CDH12: variants seen among roughly 807,000 people sequenced by gnomAD.
The protein encoded by CDH12 is cadherin-12.
Under a neutral mutation model 74.1 loss-of-function variants are expected in CDH12, and 41 were observed. That is an observed-to-expected ratio of 0.55 (90% CI 0.43 to 0.72). The LOEUF (loss-of-function observed/expected upper bound fraction) is 0.72, where lower values mean the gene tolerates loss of function less well. CDH12 is among the 30% of genes least tolerant of loss of function. The pLI is 0.00. For missense variants in CDH12, 945 were observed against 977.2 expected (o/e 0.97, Z 0.44); for synonymous variants, 399 against 355.0 (o/e 1.12, Z -1.39).
At chr5:22,451,742 A>T (rs555168179) in intron 2 of CDH12, among the ~76,000 whole-genome samples, 1 of 152,022 alleles carries the variant, frequency 6.6e-6, no homozygotes, top group South Asian at 2.1e-4. Context: ...TGAAATAAAG[A>T]AGTTCCACAT....
At chr5:22,061,664 C>T (rs1741195529) in intron 5 of CDH12, among the ~76,000 whole-genome samples, 1 of 151,966 alleles carries the variant, frequency 6.6e-6, no homozygotes, top group Admixed American at 6.6e-5. Flanking sequence ...CAATATTAGC[C>T]CACAGAGAGT....
chr5:22,179,134 G>T (rs1456663930), intron 4 of CDH12, among the ~76,000 whole-genome samples: 4 of 152,142 alleles, frequency 2.6e-5, no homozygotes, highest in Admixed American at 2.6e-4. Flanking sequence ...ATAAATAGCA[G>T]TGAGGAGACT....
chr5:22,186,627 T>G (rs549043398), intron 4 of CDH12, among the ~76,000 whole-genome samples: 13 of 152,262 alleles, frequency 8.5e-5, no homozygotes, highest in Admixed American at 2.6e-4. Flanking sequence ...TGCATCACCA[T>G]GCCCAGCTAA....
intron 3 of CDH12, among the ~76,000 whole-genome samples, chr5:22,251,453 A>G (rs558846221): frequency 6.6e-6 from 1 of 152,324 alleles, no homozygotes; most frequent in South Asian, 2.1e-4. Flanking sequence ...TGAGAAATAA[A>G]GTGGACACAC....
intron 3 of CDH12, among the ~76,000 whole-genome samples, chr5:22,302,739 A>G (rs1737942763): frequency 6.6e-6 from 1 of 152,174 alleles, no homozygotes; most frequent in African/African-American, 2.4e-5. Context: ...AAATAAGAGT[A>G]ATTTTGGAAA....
At chr5:21,883,122 G>A in intron 6 of CDH12, 1 of 1,579,012 alleles carries the variant, frequency 6.3e-7, no homozygotes, top group Non-Finnish European at 8.7e-7. Context: ...TTCTGCAAAT[G>A]GAGACAAAGA....
At chr5:22,845,180 A>G (rs1737247462) in intron 1 of CDH12, among the ~76,000 whole-genome samples, 1 of 152,168 alleles carries the variant, frequency 6.6e-6, no homozygotes, top group Admixed American at 6.6e-5. Flanking sequence ...TTGTAGAAGG[A>G]CACTCACATT....
At position 22,261,561 on chromosome 5, in the gene CDH12, A is replaced by G. The variant is rs77846402; in HGVS notation, c.-332-48918T>C. ...AAGTTCATACTGGGCTCATCTTGTC[A>G]TATAAGGTCACAGTCTGAAGTAAAT... On this transcript the variant is annotated intron_variant, in intron 3 of 14. Transcript: ENST00000382254. Among the ~76,000 whole-genome samples, 19 of 152,190 alleles carry G rather than the reference A, an allele frequency of 1.2e-4. No individual in the cohort carries two copies. In the East Asian group the frequency reaches 3.5e-3, roughly 28 times the overall value.
At chr5:22,754,167 G>A (rs1159349248) in intron 1 of CDH12, among the ~76,000 whole-genome samples, 1 of 152,142 alleles carries the variant, frequency 6.6e-6, no homozygotes, top group Non-Finnish European at 1.5e-5. Context: ...TATTATGAAA[G>A]AAATTGAATC....
At chr5:22,692,205 C>T (rs1410272887) in intron 1 of CDH12, among the ~76,000 whole-genome samples, 1 of 152,198 alleles carries the variant, frequency 6.6e-6, no homozygotes, top group East Asian at 1.9e-4. Flanking sequence ...CCTTCCTCTT[C>T]CACCATGAAC....
At chr5:21,863,189 C>A (rs1258258939) in intron 6 of CDH12, among the ~76,000 whole-genome samples, 3 of 152,198 alleles carry the variant, frequency 2.0e-5, no homozygotes, top group East Asian at 1.9e-4. Flanking sequence ...CTGCCAGAGA[C>A]CCCATGCTGT....
intron 6 of CDH12, among the ~76,000 whole-genome samples, chr5:21,894,840 T>C (rs1753050667): frequency 6.6e-6 from 1 of 152,128 alleles, no homozygotes; most frequent in South Asian, 2.1e-4. Context: ...AGGATCTTTC[T>C]CTGGATACCT....
chr5:22,629,472 A>C (rs1268651467), intron 1 of CDH12, among the ~76,000 whole-genome samples: 2 of 152,162 alleles, frequency 1.3e-5, no homozygotes, highest in South Asian at 4.1e-4. Context: ...CAAATCTATA[A>C]ATCTGATTTA....
intron 4 of CDH12, among the ~76,000 whole-genome samples, chr5:22,127,144 A>G (rs998759089): frequency 3.9e-5 from 6 of 152,266 alleles, no homozygotes; most frequent in Admixed American, 6.5e-5. Context: ...TTTTCAAATA[A>G]GCACATATAA....
chr5:22,309,670 T>C (rs546259240), intron 3 of CDH12, among the ~76,000 whole-genome samples: 2 of 152,186 alleles, frequency 1.3e-5, no homozygotes, highest in East Asian at 3.9e-4. Context: ...ACTATAGTCC[T>C]CATGTTGTAC....
chr5:22,708,542 T>G (rs902309172), intron 1 of CDH12, among the ~76,000 whole-genome samples: 1 of 152,132 alleles, frequency 6.6e-6, no homozygotes, highest in Non-Finnish European at 1.5e-5. Context: ...AAGGGTATGG[T>G]GTGCATGCAA....
At chr5:22,288,552 A>G (rs1354437118) in intron 3 of CDH12, among the ~76,000 whole-genome samples, 3 of 152,288 alleles carry the variant, frequency 2.0e-5, no homozygotes, top group African/African-American at 7.2e-5. Context: ...TGACAGATCT[A>G]TATTTTTGGA....
At chr5:22,162,730 T>G (rs1425243595) in intron 4 of CDH12, among the ~76,000 whole-genome samples, 3 of 152,164 alleles carry the variant, frequency 2.0e-5, no homozygotes, top group Non-Finnish European at 4.4e-5. Flanking sequence ...TCATTTGCCC[T>G]TAGTGCAGGT....
intron 3 of CDH12, among the ~76,000 whole-genome samples, chr5:22,231,296 T>G (rs543765493): frequency 6.6e-6 from 1 of 152,254 alleles, no homozygotes; most frequent in Non-Finnish European, 1.5e-5. Flanking sequence ...GGCTCAAATT[T>G]ATTCCCACCT....
Sources: gnomAD v4.1 joint callset for allele counts (sites outside exome capture counted in the v4.1 genomes callset) on GRCh38, gnomAD v4.1.1 for gene constraint, MANE v1.5 for transcripts, NCBI Gene and HGNC (gene_info 2026-07-23, HGNC 2026-07-21) for gene names.